FBXL19: variants seen among roughly 807,000 people sequenced by gnomAD.
FBXL19 encodes F-box and leucine rich repeat protein 19, also known as F-box/LRR-repeat protein 19.
In FBXL19, 16 loss-of-function variants were observed where a neutral mutation model predicts 71.2. That is an observed-to-expected ratio of 0.22 (90% CI 0.15 to 0.34). The LOEUF (loss-of-function observed/expected upper bound fraction) is 0.34. Among genes scored for constraint, FBXL19 ranks in the 10% least tolerant of loss-of-function variants. The pLI is 1.00. For missense variants in FBXL19, 658 were observed against 968.2 expected (o/e 0.68, Z 4.25); for synonymous variants, 447 against 409.4 (o/e 1.09, Z -1.11).
Position 30,927,860 on chromosome 16 carries a change from G to T in FBXL19, c.524G>T (p.Arg175Leu), listed in dbSNP as rs1204217625. 41 of 1,536,300 alleles carry T rather than the reference G, an allele frequency of 2.7e-5. No individual in the cohort carries two copies. The highest frequency in any genetic ancestry group is 3.5e-5 in the Non-Finnish European group (40 of 1,142,450). The change falls in exon 5 of 11, where the codon CGC becomes CTC. Residue 175 changes from arginine to leucine, a missense_variant. Physicochemically the swap from Arg to Leu is moderately radical, Grantham distance 102. Around this residue, in one of 8 missense-constraint regions of FBXL19, gnomAD observed 447 missense variants for 515.4 expected, o/e 0.87. Transcript: ENST00000338343. ...CCGCTTCCACCGCCCCCGCCCAGGC[G>T]CAAGGGCCCCCTGCCTGCCGGGCCC... ...EPPLPPPPPR[R>L]KGPLPAGPPP...
At chr16:30,943,040 G>A (rs1052708176) in intron 9 of FBXL19, among the ~76,000 whole-genome samples, 1 of 152,228 alleles carries the variant, frequency 6.6e-6, no homozygotes, top group Non-Finnish European at 1.5e-5. Context: ...GAGGGCAAGC[G>A]CTGGCTGGTC....
chr16:30,928,407 G>A, intron 5 of FBXL19, 60 bp from the exon 6 acceptor site: 2 of 1,452,298 alleles, frequency 1.4e-6, no homozygotes, highest in African/African-American at 2.9e-5. Context: ...TTAGATTTCT[G>A]GCCCATGAGG....
chr16:30,930,364 C>T lies in FBXL19; in HGVS notation c.1081C>T (p.Leu361=), dbSNP rs866694999. 7.0e-6 allele frequency: 11 copies of T among 1,565,260 alleles called. No individual in the cohort carries two copies. Among genetic ancestry groups the T allele is most frequent in the East Asian group, 2.3e-5 (1 of 43,036 alleles). Residue 361 remains leucine (L), a synonymous_variant, in exon 7 of 11, where the codon CTA becomes TTA. Transcript: ENST00000338343. The surrounding 1 kb of genome is among the most constrained non-coding windows in gnomAD (Gnocchi z 8.5). The part of the protein sequence containing the change: ...RAVRPGSGGP[L]LSWPLGPAPP... ...TGTGCGCCCTGGCAGTGGGGGGCCC[C>T]TACTCAGCTGGCCCCTGGGCCCAGC...
chr16:30,930,141 G>A lies in FBXL19; in HGVS notation c.858G>A (p.Lys286=), dbSNP rs761506046. 3.1e-6 allele frequency: 5 copies of A among 1,613,428 alleles called. No individual in the cohort carries two copies. In the Admixed American group the frequency reaches 5.0e-5, roughly 16 times the overall value. Residue 286 remains lysine, a synonymous_variant, in exon 7 of 11, where the codon AAG becomes AAA. Coordinates refer to ENST00000338343, the MANE Select transcript of FBXL19 (RefSeq NM_001382779.1). This position sits in a 1 kb window ranked among gnomAD's most constrained non-coding sequence, Gnocchi z 8.5. ...CGTCCCCGTCCCCGCAGAGGGAGAA[G>A]CTAGAGCGTTTCAAGCGGATGTGCC... is the stretch of plus-strand genomic sequence containing the variant. ...AVPSPSPQRE[K]LERFKRMCQL...
Position 30,947,349 on chromosome 16 carries a change from C to A in FBXL19, c.*119C>A. The stretch of plus-strand genomic sequence containing the variant: ...CCCTGGGATTCCTGAGTGTCAGTGA[C>A]TTGGGATTCCCACCCAGGGACTCAA... On this transcript the variant is annotated 3_prime_UTR_variant, in exon 11 of 11. Coordinates refer to ENST00000338343, the MANE Select transcript of FBXL19 (RefSeq NM_001382779.1). 1.2e-6 allele frequency: 1 copy of A among 848,424 alleles called. No individual in the cohort carries two copies. The highest frequency in any genetic ancestry group is 1.8e-6 in the Non-Finnish European group (1 of 563,396). The allele number at this position is 848,424 out of a possible 1,614,324, so 52.6% of individuals were successfully genotyped here. A position where few individuals can be genotyped will look rare whatever the true frequency, so the allele number is the denominator to read the frequency against.
upstream of FBXL19, chr16:30,923,339 C>A (rs961016408): frequency 9.9e-6 from 4 of 403,258 alleles, no homozygotes; most frequent in African/African-American, 8.2e-5. Context: ...TGGGCACGCC[C>A]TCCGCCGTCC....
chr16:30,928,451 C>T lies in FBXL19; in HGVS notation c.628-16C>T, dbSNP rs1162621575. On this transcript the variant is annotated splice_polypyrimidine_tract_variant and intron_variant, in intron 5 of 10. Transcript: ENST00000338343. ...GGGTCTCTCCCTTCCTCCATATCTC[C>T]CTCTCACCCTGGTAGGTGAAAGGAG... is the stretch of plus-strand genomic sequence containing the variant. The T allele has an allele frequency of 3.2e-6, 5 of 1,549,840 alleles. No homozygotes were observed. Among genetic ancestry groups the T allele is most frequent in the East Asian group, 4.7e-5 (2 of 42,210 alleles).
At chr16:30,924,696 C>T in intron 1 of FBXL19, 1 of 1,483,004 alleles carries the variant, frequency 6.7e-7, no homozygotes, top group South Asian at 1.4e-5. Flanking sequence ...CTCCAGGCCC[C>T]TCCCCTGGAG....
chr16:30,947,910 A>G lies in FBXL19; in HGVS notation c.*680A>G. The G allele has an allele frequency of 2.2e-6, 1 of 454,708 alleles. No individual in the cohort carries two copies. Among genetic ancestry groups the G allele is most frequent in the Non-Finnish European group, 4.4e-6 (1 of 226,042 alleles). 28.2% of individuals were successfully genotyped at this position (454,708 alleles called of 1,614,324 possible). On this transcript the variant is annotated 3_prime_UTR_variant, in exon 11 of 11. Transcript: ENST00000338343. The stretch of plus-strand genomic sequence containing the variant: ...GTCACTGAAAACGGCAGCTATTGCA[A>G]GGAGTGGGGGCCGCGGGCAGCCGCT...
intron 7 of FBXL19, among the ~76,000 whole-genome samples, chr16:30,940,736 G>A (rs1443682958): frequency 2.6e-5 from 4 of 151,930 alleles, no homozygotes; most frequent in African/African-American, 4.8e-5. Flanking sequence ...GTGCGATCTC[G>A]GCTCGCTGCA....
intron 2 of FBXL19, among the ~76,000 whole-genome samples, 194 bp downstream of exon 2, chr16:30,926,125 A>G (rs774102044): frequency 2.6e-5 from 4 of 152,174 alleles, no homozygotes; most frequent in Non-Finnish European, 5.9e-5. Context: ...CCAGGTGCAC[A>G]GAAGGATCTG....
intron 6 of FBXL19, 88 bp downstream of exon 6, chr16:30,928,716 C>T (rs551824539): frequency 1.9e-6 from 2 of 1,052,814 alleles, no homozygotes; most frequent in African/African-American, 3.5e-5. Context: ...TTCCTGCTCA[C>T]CTTGTTCTGC....
rs2055866099 is a variant in FBXL19, at chr16:30,946,918, C to T, written c.1816C>T (p.Arg606Cys). 1 of 1,610,234 alleles carries T rather than the reference C, an allele frequency of 6.2e-7. No individual in the cohort carries two copies. The highest frequency in any genetic ancestry group is 8.5e-7 in the Non-Finnish European group (1 of 1,179,050). ...HLLTAPTSPLRETLVHLNLAG... is the reference protein window; with the variant it reads ...HLLTAPTSPLCETLVHLNLAG... ...CCTCACGGCCCCCACGTCCCCACTC[C>T]GCGAGACCCTGGTGCACCTCAATCT... The change falls in exon 10 of 11, where the codon CGC becomes TGC. Residue 606 changes from arginine (R) to cysteine (C), a missense_variant. By Grantham distance (180) the Arg-to-Cys change is radical (BLOSUM62 -3). This residue lies in a region of FBXL19 where 69 missense variants were observed against 177.8 expected (regional missense o/e 0.39). Coordinates refer to ENST00000338343, the MANE Select transcript of FBXL19 (RefSeq NM_001382779.1). The surrounding 1 kb of genome is among the most constrained non-coding windows in gnomAD (Gnocchi z 6.7).
chr16:30,923,248 G>C, upstream of FBXL19: 2 of 455,300 alleles, frequency 4.4e-6, no homozygotes, highest in South Asian at 3.1e-5. Flanking sequence ...TGTAGTCATC[G>C]TTCCCTCTCC....
Position 30,927,375 on chromosome 16 carries a change from G to T in FBXL19, c.245G>T (p.Gly82Val). 1.3e-6 allele frequency: 2 copies of T among 1,592,910 alleles called. No individual in the cohort carries two copies. Among genetic ancestry groups the T allele is most frequent in the East Asian group, 2.3e-5 (1 of 44,160 alleles). ...GEAGKEDTVE[G>V]EEEKFGLSLM... ...GCTGGGAAGGAGGACACGGTGGAGGGAGAGGAAGAGAAATTTGGTTTGAGC... is the reference window on the plus strand; with the variant it reads ...GCTGGGAAGGAGGACACGGTGGAGGTAGAGGAAGAGAAATTTGGTTTGAGC... Residue 82 changes from glycine (G) to valine (V), a missense_variant, in exon 3 of 11, where the codon GGA becomes GTA. Gly to Val is a moderately radical substitution (Grantham distance 109). Coordinates refer to ENST00000338343, the MANE Select transcript of FBXL19 (RefSeq NM_001382779.1).
Position 30,924,473 on chromosome 16 carries a change from GCTC to G in FBXL19, c.-25+21_-25+23del, listed in dbSNP as rs1193600069. The G allele has an allele frequency of 1.8e-5, 8 of 452,714 alleles. No individual in the cohort carries two copies. In the East Asian group the frequency reaches 2.3e-4, roughly 13 times the overall value. 28.0% of individuals were successfully genotyped at this position (452,714 alleles called of 1,614,324 possible). On this transcript the variant is annotated intron_variant, in intron 1 of 10. Transcript: ENST00000338343. ...GACACGTGTGAGGTGGGTTCATGCGGCTCCTCCTCACCCCCAGACCTGGGCAGC... is the reference window on the plus strand; with the variant it reads ...GACACGTGTGAGGTGGGTTCATGCGGCTCCTCACCCCCAGACCTGGGCAGC...
At chr16:30,944,630 T>C (rs574154192) in intron 9 of FBXL19, among the ~76,000 whole-genome samples, 1 of 152,312 alleles carries the variant, frequency 6.6e-6, no homozygotes, top group Admixed American at 6.5e-5. Context: ...TTTACTATTG[T>C]GAACAGTGCC....
In FBXL19 at chr16:30,927,620, G is replaced by T. The variant is rs1272170188; in HGVS notation, c.369G>T (p.Trp123Cys). 6.4e-7 allele frequency: 1 copy of T among 1,564,990 alleles called. No individual in the cohort carries two copies. Among genetic ancestry groups the T allele is most frequent in the East Asian group, 2.4e-5 (1 of 41,866 alleles). The stretch of plus-strand genomic sequence containing the variant: ...TCAATGCAGAGATCCCCAACTGCTG[G>T]GAGTGCCCTCGCTGCACCCAGGAAG... ...GVINAEIPNC[W>C]ECPRCTQEGR... Residue 123 changes from tryptophan to cysteine, a missense_variant, in exon 4 of 11, where the codon TGG becomes TGT. Around this residue, in one of 8 missense-constraint regions of FBXL19, gnomAD observed 447 missense variants for 515.4 expected, o/e 0.87. Coordinates refer to ENST00000338343, the MANE Select transcript of FBXL19 (RefSeq NM_001382779.1).
At chr16:30,941,570 G>C (rs1006093187) in intron 7 of FBXL19, among the ~76,000 whole-genome samples, 1 of 152,192 alleles carries the variant, frequency 6.6e-6, no homozygotes, top group Admixed American at 6.5e-5. Flanking sequence ...TATTAGGGCT[G>C]TAAGTCCAGC....
Sources: allele counts gnomAD v4.1 joint callset (sites outside exome capture counted in the v4.1 genomes callset), GRCh38; gene constraint gnomAD v4.1.1; regional missense constraint gnomAD v4.1.1; non-coding constraint Gnocchi (gnomAD v3.1); transcripts MANE v1.5; gene names NCBI Gene and HGNC (gene_info 2026-07-23, HGNC 2026-07-21).